Variants in MYRFL observed in about 807,000 individuals in gnomAD.
MYRFL encodes the protein myelin regulatory factor like.
In MYRFL, 88 loss-of-function variants were observed where a neutral mutation model predicts 109.4. The observed-to-expected ratio is 0.80, with a 90% CI of 0.68 to 0.96. The LOEUF is 0.96. MYRFL is among the 40% of genes least tolerant of loss of function. The probability of loss-of-function intolerance (pLI) is 0.00; values close to 1 mark genes in which losing one functional copy is unlikely to be tolerated. For synonymous variants in MYRFL, 324 were observed against 320.9 expected, an observed-to-expected ratio of 1.01 and a Z score of -0.10; for missense variants, 957 against 954.9, an observed-to-expected ratio of 1.00 and a Z score of -0.03.
rs573994947 is a variant in MYRFL at position 69,863,428 on chromosome 12, GC to G, written c.137+8060del. Among the ~76,000 whole-genome samples the G allele has an allele frequency of 1.8e-4, 27 of 152,256 alleles. No individual in the cohort carries two copies. The South Asian group carries it at 5.6e-3, about 32-fold the overall frequency. ...TATTGATTATTGCCGCAATTTCAGA[GC>G]CTGTTATTGATCTATTCAGAAATTT... On this transcript the variant is annotated intron_variant, in intron 2 of 24. Transcript: ENST00000552032.
chr12:69,952,286 C>T (rs1955996830), intron 20 of MYRFL, 111 bp downstream of exon 20: 1 of 915,414 alleles, frequency 1.1e-6, no homozygotes, highest in African/African-American at 1.6e-5. Flanking sequence ...TGCAGCCTGC[C>T]TGCCACGCAT....
At chr12:69,877,464 C>T (rs1885761475) in intron 2 of MYRFL, among the ~76,000 whole-genome samples, 1 of 152,154 alleles carries the variant, frequency 6.6e-6, no homozygotes, top group East Asian at 1.9e-4. Flanking sequence ...TGTTGGATCC[C>T]TCTGTTCCCT....
intron 2 of MYRFL, among the ~76,000 whole-genome samples, chr12:69,873,648 T>G (rs1885488717): frequency 6.6e-6 from 1 of 152,196 alleles, no homozygotes; most frequent in Non-Finnish European, 1.5e-5. Flanking sequence ...AGGGGATGAT[T>G]CATGGTTTAT....
At chr12:69,924,955 G>A (rs927775948) in intron 13 of MYRFL, among the ~76,000 whole-genome samples, 8 of 152,158 alleles carry the variant, frequency 5.3e-5, no homozygotes, top group Admixed American at 1.3e-4. Flanking sequence ...AGTGGGCAAA[G>A]GCATGTGCTA....
chr12:69,848,423 A>T (rs1310707289), intron 1 of MYRFL, among the ~76,000 whole-genome samples: 1 of 151,942 alleles, frequency 6.6e-6, no homozygotes, highest in Non-Finnish European at 1.5e-5. Context: ...ATATGCTCTT[A>T]ATTTATTCAT....
At chr12:69,952,202 T>C in intron 20 of MYRFL, 27 bp downstream of exon 20, 1 of 1,533,570 alleles carries the variant, frequency 6.5e-7, no homozygotes, top group Non-Finnish European at 8.7e-7. Flanking sequence ...GTGACACTAT[T>C]CTTTGGCTTT....
chr12:69,895,340 C>T (rs1242464653), intron 8 of MYRFL, 31 bp from the exon 9 acceptor site: 3 of 1,434,512 alleles, frequency 2.1e-6, no homozygotes, highest in African/African-American at 2.9e-5. Context: ...CTTATAGTCT[C>T]TTGGTTTTTT....
intron 1 of MYRFL, among the ~76,000 whole-genome samples, chr12:69,843,098 G>A (rs1167559920): frequency 6.6e-6 from 1 of 152,200 alleles, no homozygotes; most frequent in Non-Finnish European, 1.5e-5. Context: ...TTTAGATCCA[G>A]TACTACATTT....
intron 2 of MYRFL, among the ~76,000 whole-genome samples, chr12:69,861,524 G>T (rs978218540): frequency 5.9e-5 from 9 of 151,766 alleles, no homozygotes; most frequent in African/African-American, 7.2e-5. Context: ...TTTCATGTGT[G>T]TTTTGGCTGC....
At position 69,958,310 on chromosome 12, in the gene MYRFL, G is replaced by T. The variant is rs895441132; in HGVS notation, c.2633G>T (p.Arg878Leu). Reference protein sequence around the residue: ...APFSDSMFHFRVAAPDLADCS... With the variant: ...APFSDSMFHFLVAAPDLADCS... The stretch of plus-strand genomic sequence containing the variant: ...TTTTCTGACAGCATGTTCCATTTCC[G>T]TGTAGCTGCACCGGTAAGCTTGCTT... Residue 878 changes from arginine (R) to leucine (L), a missense_variant, in exon 24 of 25, where the codon CGT (arginine) becomes CTT (leucine). Physicochemically the swap from Arg to Leu is moderately radical, Grantham distance 102 (BLOSUM62 -2). Transcript: ENST00000552032. 2 of 1,536,182 alleles carry T rather than the reference G, an allele frequency of 1.3e-6. No homozygotes were observed. The highest frequency in any genetic ancestry group is 2.4e-5 in the South Asian group (2 of 83,994).
At chr12:69,922,109 A>G (rs1027763388) in intron 13 of MYRFL, among the ~76,000 whole-genome samples, 2 of 152,044 alleles carry the variant, frequency 1.3e-5, no homozygotes, top group African/African-American at 4.8e-5. Context: ...CCTGCGTGGT[A>G]GATTGCCTGC....
chr12:69,874,626 G>A (rs1885547834), intron 2 of MYRFL, among the ~76,000 whole-genome samples: 1 of 151,548 alleles, frequency 6.6e-6, no homozygotes, highest in South Asian at 2.1e-4. Flanking sequence ...ATTTCTTATT[G>A]TACATGTCTA....
At chr12:69,880,949 C>CCGTTTTTTTTT (rs1379691821) in intron 5 of MYRFL, among the ~76,000 whole-genome samples, 2 of 30,228 alleles carry the variant, frequency 6.6e-5, no homozygotes, top group Non-Finnish European at 1.5e-4. Context: ...GTCAGCCTTC[C>CCGTTTTTTTTT]TGTTTTTTTT....
chr12:69,925,511 C>A (rs961750980), intron 13 of MYRFL, among the ~76,000 whole-genome samples: 1 of 152,182 alleles, frequency 6.6e-6, no homozygotes, highest in African/African-American at 2.4e-5. Flanking sequence ...AGCCTTGGAC[C>A]AGCCTCTCTG....
At chr12:69,938,798 G>C (rs1566040851) in intron 19 of MYRFL, among the ~76,000 whole-genome samples, 1 of 152,180 alleles carries the variant, frequency 6.6e-6, no homozygotes, top group South Asian at 2.1e-4. Flanking sequence ...CATCTCACTA[G>C]GGAGTGCCAG....
At chr12:69,854,216 G>A (rs1374092229) in intron 1 of MYRFL, among the ~76,000 whole-genome samples, 2 of 152,096 alleles carry the variant, frequency 1.3e-5, no homozygotes, top group Admixed American at 6.5e-5. Context: ...GTGGCGGCGC[G>A]TGCCTGCAAT....
At chr12:69,942,214 C>T (rs1092288) in intron 19 of MYRFL, among the ~76,000 whole-genome samples, 35,621 of 119,996 alleles carry the variant, frequency 0.3, 4,540 homozygotes, top group Non-Finnish European at 0.34. Flanking sequence ...ATACCAAAGC[C>T]GGGCAGAGAC....
intron 2 of MYRFL, among the ~76,000 whole-genome samples, chr12:69,869,798 G>C (rs757415229): frequency 5.4e-4 from 83 of 152,302 alleles, no homozygotes; most frequent in Admixed American, 2.1e-3. Flanking sequence ...ATGTCTGGTA[G>C]AGTCATGAGC....
At chr12:69,939,047 A>G (rs1026460482) in intron 19 of MYRFL, among the ~76,000 whole-genome samples, 31 of 152,262 alleles carry the variant, frequency 2.0e-4, no homozygotes, top group Non-Finnish European at 3.8e-4. Flanking sequence ...GTCCTACCCC[A>G]TGGAGTCTCG....
Sources: gnomAD v4.1 joint callset for allele counts (sites outside exome capture counted in the v4.1 genomes callset) on GRCh38, gnomAD v4.1.1 for gene constraint, MANE v1.5 for transcripts, NCBI Gene and HGNC (gene_info 2026-07-23, HGNC 2026-07-21) for gene names.